The following LMBR1 variants were observed in gnomAD, a reference collection of about 807,000 sequenced individuals.
LMBR1 encodes the protein limb development membrane protein 1, also known as limb region 1 protein homolog.
In LMBR1, 52 loss-of-function variants were observed where a neutral mutation model predicts 73.9. The observed-to-expected ratio is 0.70, with a 90% CI of 0.56 to 0.89. LMBR1 has a LOEUF of 0.89. Ranked by LOEUF, LMBR1 falls within the 40% of genes least tolerant of loss-of-function variation. The probability of loss-of-function intolerance (pLI) is 0.00; values close to 1 mark genes in which losing one functional copy is unlikely to be tolerated. For synonymous variants in LMBR1, 215 were observed against 209.4 expected, an observed-to-expected ratio of 1.03 and a Z score of -0.23; for missense variants, 539 against 579.8, an observed-to-expected ratio of 0.93 and a Z score of 0.72.
chr7:156,856,235 T>C (rs970639499), intron 1 of LMBR1, among the ~76,000 whole-genome samples: 1 of 152,004 alleles, frequency 6.6e-6, no homozygotes, highest in Non-Finnish European at 1.5e-5. Context: ...GATAGATAGA[T>C]AGATAGATAG....
At chr7:156,828,417 T>C (rs1174502739) in intron 3 of LMBR1, among the ~76,000 whole-genome samples, 1 of 152,176 alleles carries the variant, frequency 6.6e-6, no homozygotes, top group African/African-American at 2.4e-5. Flanking sequence ...TTTTTAAAAA[T>C]TACATCTTCA....
intron 5 of LMBR1, among the ~76,000 whole-genome samples, chr7:156,765,972 T>C (rs1190593860): frequency 1.3e-5 from 2 of 152,204 alleles, no homozygotes; most frequent in Admixed American, 1.3e-4. Context: ...GTTAAATAAT[T>C]ATAACACTGT....
intron 5 of LMBR1, among the ~76,000 whole-genome samples, chr7:156,774,021 CA>C (rs34888198): frequency 0.88 from 133,104 of 150,550 alleles, 59,008 homozygotes; most frequent in African/African-American, 0.97. Flanking sequence ...CATTAATAAG[CA>C]AAAAAAAAAC....
intron 1 of LMBR1, among the ~76,000 whole-genome samples, chr7:156,861,834 T>C (rs1563558834): frequency 6.6e-6 from 1 of 152,154 alleles, no homozygotes; most frequent in East Asian, 1.9e-4. Context: ...TCCCAACAAG[T>C]TTCTCCTCTC....
At chr7:156,673,759 A>C (rs1803130269), downstream of LMBR1, among the ~76,000 whole-genome samples, 1 of 152,306 alleles carries the variant, frequency 6.6e-6, no homozygotes, top group African/African-American at 2.4e-5. Flanking sequence ...GGCAGCTCAT[A>C]GTCTCCACAG....
At chr7:156,866,743 A>G (rs1389657866) in intron 1 of LMBR1, among the ~76,000 whole-genome samples, 1 of 151,478 alleles carries the variant, frequency 6.6e-6, no homozygotes, top group Non-Finnish European at 1.5e-5. Flanking sequence ...AGCTGAGATT[A>G]TGGGCGCCCG....
chr7:156,695,773 A>G (rs893874478), intron 15 of LMBR1, among the ~76,000 whole-genome samples: 1 of 152,184 alleles, frequency 6.6e-6, no homozygotes, highest in Admixed American at 6.5e-5. Flanking sequence ...TTAAAAACCT[A>G]AAGAACTTAT....
chr7:156,891,200 A>G (rs1802852525), intron 1 of LMBR1, among the ~76,000 whole-genome samples: 1 of 98,418 alleles, frequency 1.0e-5, no homozygotes, highest in Non-Finnish European at 2.0e-5. Context: ...CAAAAAAAAA[A>G]AAAAAAAAAA....
intron 1 of LMBR1, among the ~76,000 whole-genome samples, chr7:156,871,389 T>C (rs1037133619): frequency 9.9e-5 from 15 of 152,206 alleles, no homozygotes; most frequent in African/African-American, 3.4e-4. Flanking sequence ...CACCAATCTG[T>C]CTCAAACTCC....
chr7:156,778,443 C>A (rs1348805155), intron 5 of LMBR1, among the ~76,000 whole-genome samples: 1 of 152,158 alleles, frequency 6.6e-6, no homozygotes, highest in African/African-American at 2.4e-5. Context: ...ATTTTATTTT[C>A]TTTCTGTGAT....
chr7:156,758,489 A>T (rs564854166), intron 8 of LMBR1, among the ~76,000 whole-genome samples: 22 of 152,342 alleles, frequency 1.4e-4, no homozygotes, highest in Admixed American at 1.1e-3. Context: ...GGGACCCTGT[A>T]GGAAGTATTT....
chr7:156,741,154 T>C (rs2132590467), intron 9 of LMBR1, among the ~76,000 whole-genome samples: 1 of 151,962 alleles, frequency 6.6e-6, no homozygotes, highest in East Asian at 1.9e-4. Flanking sequence ...GAACATACAA[T>C]GGATACTCAA....
rs1812585309 is a variant in LMBR1, at chr7:156,713,689, AGTGGTGGTC to A, written c.1225+10414_1225+10422del. 2.0e-5 allele frequency among the ~76,000 whole-genome samples: 3 copies of A among 152,190 alleles called. No homozygotes were observed. The South Asian group carries it at 6.2e-4, about 31-fold the overall frequency. On this transcript the variant is annotated intron_variant, in intron 15 of 16. Transcript: ENST00000353442. ...TGAATATGTTCACTATCTTGATGGC[AGTGGTGGTC>A]CTACAGGTGTTTGTATAAGTCAAAA...
intron 1 of LMBR1, among the ~76,000 whole-genome samples, chr7:156,846,676 T>C (rs1005279233): frequency 7.2e-5 from 11 of 152,136 alleles, no homozygotes; most frequent in African/African-American, 2.2e-4. Context: ...TTTGTAGATA[T>C]CAACAAACTG....
intron 1 of LMBR1, among the ~76,000 whole-genome samples, chr7:156,858,310 G>A (rs73167921): frequency 0.11 from 16,613 of 151,710 alleles, 1,163 homozygotes; most frequent in East Asian, 0.29. Context: ...TATGAACTCC[G>A]TGCCCACAAA....
At chr7:156,812,061 A>T (rs1388458928) in intron 4 of LMBR1, among the ~76,000 whole-genome samples, 1 of 152,112 alleles carries the variant, frequency 6.6e-6, no homozygotes, top group East Asian at 1.9e-4. Flanking sequence ...GTCTTCGCTA[A>T]TCTAAGATGA....
intron 1 of LMBR1, among the ~76,000 whole-genome samples, chr7:156,891,838 A>G (rs905763402): frequency 2.0e-5 from 3 of 152,232 alleles, no homozygotes; most frequent in Non-Finnish European, 2.9e-5. Flanking sequence ...CCACCAGCTC[A>G]GACTTTATAT....
chr7:156,675,666 T>C, downstream of LMBR1: 1 of 1,595,732 alleles, frequency 6.3e-7, no homozygotes, highest in African/African-American at 1.3e-5. Flanking sequence ...AGCTCAGGTG[T>C]GAGCTTACCC....
intron 15 of LMBR1, among the ~76,000 whole-genome samples, chr7:156,705,238 G>T (rs1810664262): frequency 6.6e-6 from 1 of 152,202 alleles, no homozygotes; most frequent in South Asian, 2.1e-4. Flanking sequence ...GAAAAAAAAT[G>T]AGAGGGCATA....
Sources: gnomAD v4.1 joint callset for allele counts (sites outside exome capture counted in the v4.1 genomes callset) on GRCh38, gnomAD v4.1.1 for gene constraint, MANE v1.5 for transcripts, NCBI Gene and HGNC (gene_info 2026-07-23, HGNC 2026-07-21) for gene names.